SLC38A11: variants seen among roughly 807,000 people sequenced by gnomAD.
The protein encoded by SLC38A11 is solute carrier family 38 member 11.
In SLC38A11, 51 loss-of-function variants were observed where a neutral mutation model predicts 49.4. That is an observed-to-expected ratio of 1.03 (90% confidence interval 0.83 to 1.30). SLC38A11 has a LOEUF of 1.30. Among genes scored for constraint, SLC38A11 ranks in the 50% most tolerant of loss-of-function variants. The probability of loss-of-function intolerance (pLI) is 0.00; values close to 1 mark genes in which losing one functional copy is unlikely to be tolerated. For missense variants in SLC38A11, 574 were observed against 556.2 expected, an observed-to-expected ratio of 1.03 and a Z score of -0.32; for synonymous variants, 203 against 192.9, an observed-to-expected ratio of 1.05 and a Z score of -0.43.
At chr2:164,946,960 G>A (rs572215372) in intron 3 of SLC38A11, among the ~76,000 whole-genome samples, 29 of 151,810 alleles carry the variant, frequency 1.9e-4, no homozygotes, top group African/African-American at 6.5e-4. Context: ...TCTCGTTGTC[G>A]TTGTTGATCA....
At position 164,895,950 on chromosome 2, in the gene SLC38A11, C is replaced by A. The variant is rs1429876004; in HGVS notation, c.*2487G>T. ...TTTGTGTGTAAAGATGTGATTCTTG[C>A]CTACCACCACCTTTTTAAAGTTAAG... is the stretch of plus-strand genomic sequence containing the variant. On this transcript the variant is annotated 3_prime_UTR_variant, in exon 12 of 12. Coordinates refer to ENST00000685975, the MANE Select transcript of SLC38A11 (RefSeq NM_001351537.2). Among the ~76,000 whole-genome samples, 2 of 152,170 alleles carry A rather than the reference C, an allele frequency of 1.3e-5. No individual in the cohort carries two copies. The highest frequency in any genetic ancestry group is 4.8e-5 in the African/African-American group (2 of 41,452).
chr2:164,953,694 TGAAAAGTAA>T lies in SLC38A11; in HGVS notation c.155-922_155-914del, dbSNP rs1432132993. ...TAAAATCAAGAACCATATTAACTTG[TGAAAAGTAA>T]GAAAAGTAATTCAAGAGTAAGAAAA... On this transcript the variant is annotated intron_variant, in intron 2 of 11. Transcript: ENST00000685975. Among the ~76,000 whole-genome samples, 17 of 152,244 alleles carry T rather than the reference TGAAAAGTAA, an allele frequency of 1.1e-4. No individual in the cohort carries two copies. The East Asian group carries it at 3.1e-3, about 28-fold the overall frequency.
intron 11 of SLC38A11, among the ~76,000 whole-genome samples, chr2:164,904,662 A>G (rs960224453): frequency 6.6e-6 from 1 of 152,222 alleles, no homozygotes; most frequent in Admixed American, 6.5e-5. Context: ...ACAATTACTA[A>G]GATGAAAGTT....
chr2:164,916,382 C>T (rs937382728), intron 7 of SLC38A11, among the ~76,000 whole-genome samples: 4 of 151,982 alleles, frequency 2.6e-5, no homozygotes, highest in African/African-American at 9.7e-5. Flanking sequence ...CAGGCTTAAC[C>T]TACCCAAGAA....
chr2:164,919,901 T>C (rs1686061884), intron 7 of SLC38A11, among the ~76,000 whole-genome samples: 1 of 152,112 alleles, frequency 6.6e-6, no homozygotes, highest in Non-Finnish European at 1.5e-5. Context: ...ACTCCCCCCT[T>C]ATCTATAGGG....
intron 3 of SLC38A11, chr2:164,950,036 GC>G (rs1224102775): frequency 6.6e-6 from 1 of 152,188 alleles, no homozygotes. Flanking sequence ...GTAGACAGAT[GC>G]TGGAAGCAGG....
At chr2:164,916,039 C>G in intron 7 of SLC38A11, 66 bp from the exon 8 acceptor site, 2 of 1,100,402 alleles carry the variant, frequency 1.8e-6, no homozygotes, top group Admixed American at 1.8e-5. Flanking sequence ...TATCAGATAA[C>G]AAGAAATGGT....
intron 9 of SLC38A11, chr2:164,912,322 C>T (rs1455072276): frequency 2.0e-5 from 3 of 152,034 alleles, no homozygotes; most frequent in African/African-American, 7.2e-5. Flanking sequence ...AGATTTGCTG[C>T]CAATTTGTAC....
At chr2:164,948,306 T>A (rs1256491264) in intron 3 of SLC38A11, among the ~76,000 whole-genome samples, 1 of 152,208 alleles carries the variant, frequency 6.6e-6, no homozygotes, top group Non-Finnish European at 1.5e-5. Flanking sequence ...ATAATAATGA[T>A]AACAACCACA....
chr2:164,928,259 C>T (rs1002273177), intron 7 of SLC38A11, among the ~76,000 whole-genome samples: 3 of 152,150 alleles, frequency 2.0e-5, no homozygotes, highest in African/African-American at 7.2e-5. Context: ...GGTATTTTAG[C>T]AAATTAGTTA....
At chr2:164,923,482 A>G (rs1463934282) in intron 7 of SLC38A11, among the ~76,000 whole-genome samples, 1 of 151,706 alleles carries the variant, frequency 6.6e-6, no homozygotes, top group South Asian at 2.1e-4. Flanking sequence ...AATGCTCAAC[A>G]TTACTAATTA....
chr2:164,948,990 A>T (rs1574013535), intron 3 of SLC38A11, among the ~76,000 whole-genome samples: 1 of 149,578 alleles, frequency 6.7e-6, no homozygotes, highest in East Asian at 2.0e-4. Flanking sequence ...CTCTGTCATC[A>T]TGTACATATT....
chr2:164,915,505 C>T (rs1685719044), intron 8 of SLC38A11: 4 of 462,590 alleles, frequency 8.6e-6, no homozygotes, highest in Non-Finnish European at 1.5e-5. Context: ...CCAGGCCAGT[C>T]CAACATTCTC....
At chr2:164,936,742 T>C (rs1412740016) in intron 7 of SLC38A11, among the ~76,000 whole-genome samples, 1 of 152,162 alleles carries the variant, frequency 6.6e-6, no homozygotes, top group Non-Finnish European at 1.5e-5. Flanking sequence ...ATACAAACAG[T>C]GTAGTTTAGA....
intron 5 of SLC38A11, among the ~76,000 whole-genome samples, chr2:164,941,979 A>T (rs1687798263): frequency 6.6e-6 from 1 of 152,110 alleles, no homozygotes; most frequent in Non-Finnish European, 1.5e-5. Context: ...GAAAAACAGG[A>T]GGGGGCTGAA....
chr2:164,904,079 C>G (rs928759176), intron 11 of SLC38A11, among the ~76,000 whole-genome samples: 2 of 152,146 alleles, frequency 1.3e-5, no homozygotes, highest in Non-Finnish European at 2.9e-5. Flanking sequence ...ACCCCAAAGA[C>G]TGTATTTCTT....
At chr2:164,940,580 T>C (rs1021958071) in intron 5 of SLC38A11, among the ~76,000 whole-genome samples, 1 of 151,234 alleles carries the variant, frequency 6.6e-6, no homozygotes, top group African/African-American at 2.4e-5. Context: ...ATAAAAGCTA[T>C]TATCCTAAAC....
intron 11 of SLC38A11, 86 bp downstream of exon 11, chr2:164,908,554 A>T: frequency 7.9e-7 from 1 of 1,261,000 alleles, no homozygotes. Context: ...CACTTTTGTT[A>T]AGGAAAATAC....
chr2:164,917,846 G>T (rs550856747), intron 7 of SLC38A11, among the ~76,000 whole-genome samples: 25 of 151,824 alleles, frequency 1.6e-4, no homozygotes, highest in Non-Finnish European at 2.9e-4. Context: ...GGTCCATATG[G>T]TTCCTTGGGT....
Sources: gnomAD v4.1 joint callset for allele counts (sites outside exome capture counted in the v4.1 genomes callset) on GRCh38, gnomAD v4.1.1 for gene constraint, MANE v1.5 for transcripts, NCBI Gene and HGNC (gene_info 2026-07-23, HGNC 2026-07-21) for gene names.